Variants in SLC25A17 observed in about 807,000 individuals in gnomAD.
The protein encoded by SLC25A17 is peroxisomal membrane protein PMP34.
Under a neutral mutation model 38.5 loss-of-function variants are expected in SLC25A17, and 26 were observed. The observed-to-expected ratio is 0.68, with a 90% confidence interval of 0.50 to 0.94. SLC25A17 has a LOEUF of 0.94. SLC25A17 is among the 40% of genes least tolerant of loss of function. The pLI is 0.00. For missense variants in SLC25A17, 333 were observed against 372.7 expected (o/e 0.89, Z 0.88); for synonymous variants, 139 against 136.2 (o/e 1.02, Z -0.14).
intron 1 of SLC25A17, among the ~76,000 whole-genome samples, chr22:40,803,621 G>A (rs558828478): frequency 6.6e-6 from 1 of 151,666 alleles, no homozygotes; most frequent in Non-Finnish European, 1.5e-5. Context: ...GATATGCAGA[G>A]GTCTCTTTGA....
At chr22:40,797,752 T>C (rs1274386483) in intron 2 of SLC25A17, among the ~76,000 whole-genome samples, 1 of 152,218 alleles carries the variant, frequency 6.6e-6, no homozygotes, top group East Asian at 1.9e-4. Flanking sequence ...TGGATCTCTA[T>C]AGTATCAGAA....
chr22:40,802,731 G>C (rs1304497437), intron 1 of SLC25A17, among the ~76,000 whole-genome samples: 1 of 152,150 alleles, frequency 6.6e-6, no homozygotes, highest in Non-Finnish European at 1.5e-5. Flanking sequence ...AAGAGGGTTA[G>C]CTGAAAACCC....
intron 8 of SLC25A17, among the ~76,000 whole-genome samples, chr22:40,773,205 C>T (rs921115927): frequency 1.5e-4 from 23 of 151,958 alleles, no homozygotes; most frequent in African/African-American, 4.8e-4. Context: ...GTCAGGAGAT[C>T]AAGACCATCC....
chr22:40,796,695 A>G (rs1384932556), intron 2 of SLC25A17, among the ~76,000 whole-genome samples: 2 of 152,138 alleles, frequency 1.3e-5, no homozygotes, highest in South Asian at 2.1e-4. Flanking sequence ...CAGTAATCCT[A>G]TATCTGGGAA....
Position 40,816,609 on chromosome 22 carries a change from G to GT in SLC25A17, c.54+2585dup, listed in dbSNP as rs55809010. ...TTTATTTATTCATTTATTTTTTATT[G>GT]TTTTTTTTTTTTTTTCTTGAGACGG... On this transcript the variant is annotated intron_variant, in intron 1 of 8. Coordinates refer to ENST00000435456, the MANE Select transcript of SLC25A17 (RefSeq NM_006358.4). Among the ~76,000 whole-genome samples the GT allele has an allele frequency of 4.9e-3, 673 of 137,964 alleles. 3 individuals carry two copies. The highest frequency in any genetic ancestry group is 0.015 in the African/African-American group (557 of 37,294). The allele number at this position is 137,964 out of a possible 152,430, so 90.5% of individuals were successfully genotyped here.
At position 40,778,994 on chromosome 22, in the gene SLC25A17, CAA is replaced by C; in HGVS notation, c.451+13_451+14del. 1.3e-6 allele frequency: 2 copies of C among 1,597,388 alleles called. No homozygotes were observed. Among genetic ancestry groups the C allele is most frequent in the Non-Finnish European group, 1.7e-6 (2 of 1,165,246 alleles). The stretch of plus-strand genomic sequence containing the variant: ...AGAAAACCCTTAAATAGGAATTCAG[CAA>C]AGAGATACTTACCAATGATACCTTT... On this transcript the variant is annotated intron_variant, in intron 5 of 8. Coordinates refer to ENST00000435456, the MANE Select transcript of SLC25A17 (RefSeq NM_006358.4).
At chr22:40,786,806 T>C (rs2057342446) in intron 4 of SLC25A17, among the ~76,000 whole-genome samples, 1 of 152,192 alleles carries the variant, frequency 6.6e-6, no homozygotes. Context: ...GAAGAAGATA[T>C]ATTCAAGATT....
chr22:40,818,259 AACC>A (rs1353737024), intron 1 of SLC25A17, among the ~76,000 whole-genome samples: 11 of 152,326 alleles, frequency 7.2e-5, no homozygotes, highest in South Asian at 2.1e-4. Flanking sequence ...GAGATAAAAG[AACC>A]ACAAGAGGAG....
At chr22:40,794,489 GA>G in intron 3 of SLC25A17, 24 bp downstream of exon 3, 1 of 1,502,988 alleles carries the variant, frequency 6.7e-7, no homozygotes, top group Admixed American at 1.7e-5. Flanking sequence ...TTGCTTTAAC[GA>G]AGGTGAACTG....
Position 40,779,011 on chromosome 22 carries a change from A to T in SLC25A17, c.449T>A (p.Ile150Asn). The change falls in exon 5 of 9, where the codon ATT becomes AAT. Residue 150 changes from isoleucine to asparagine, a missense_variant and splice_region_variant. Coordinates refer to ENST00000435456, the MANE Select transcript of SLC25A17 (RefSeq NM_006358.4). The part of the protein sequence containing the change: ...DIVPTNYKGI[I>N]DAFHQIIRDE... The stretch of plus-strand genomic sequence containing the variant: ...GAATTCAGCAAAGAGATACTTACCA[A>T]TGATACCTTTGTAGTTTGTTGGTAC... 1.2e-6 allele frequency: 2 copies of T among 1,611,654 alleles called. No individual in the cohort carries two copies. The highest frequency in any genetic ancestry group is 1.1e-5 in the South Asian group (1 of 91,014).
At chr22:40,810,145 C>A (rs966655998) in intron 1 of SLC25A17, among the ~76,000 whole-genome samples, 1 of 152,064 alleles carries the variant, frequency 6.6e-6, no homozygotes, top group African/African-American at 2.4e-5. Flanking sequence ...GTCTTAGTCC[C>A]TGGTTCCTGA....
chr22:40,814,790 T>TATATATATATATATATATATATATATATA (rs56313372), intron 1 of SLC25A17, among the ~76,000 whole-genome samples: 1 of 118,964 alleles, frequency 8.4e-6, no homozygotes, highest in African/African-American at 3.4e-5. Flanking sequence ...TATATATATA[T>TATATATATATATATATATATATATATATA]TGTTGTTGTT....
intron 3 of SLC25A17, among the ~76,000 whole-genome samples, chr22:40,793,052 T>C (rs921861962): frequency 2.7e-5 from 4 of 147,898 alleles, no homozygotes; most frequent in African/African-American, 1.0e-4. Context: ...GAAATAAGTA[T>C]CAAAAAAAAA....
At chr22:40,795,467 T>C (rs1321362486) in intron 2 of SLC25A17, among the ~76,000 whole-genome samples, 2 of 152,070 alleles carry the variant, frequency 1.3e-5, no homozygotes, top group Non-Finnish European at 2.9e-5. Context: ...TAATTTTTTG[T>C]TTTTGTAGTA....
chr22:40,805,855 G>C (rs954975328), intron 1 of SLC25A17, among the ~76,000 whole-genome samples: 4 of 152,136 alleles, frequency 2.6e-5, no homozygotes, highest in Non-Finnish European at 5.9e-5. Flanking sequence ...ACTAAGTCTT[G>C]GTCATTTGTT....
chr22:40,789,046 C>A lies in SLC25A17; in HGVS notation c.334+3479G>T. The A allele has an allele frequency of 3.4e-6, 1 of 290,994 alleles. No homozygotes were observed. 18.0% of individuals were successfully genotyped at this position (290,994 alleles called of 1,614,324 possible). On this transcript the variant is annotated intron_variant, in intron 4 of 8. Transcript: ENST00000435456. This position sits in a 1 kb window ranked among gnomAD's most constrained non-coding sequence, Gnocchi z 4.5. ...CTTCGTATTCTCATAGTATGGGTTC[C>A]ATCCTATGCTCACCACCATCTTCTG...
At chr22:40,773,627 T>C (rs1240872715) in intron 8 of SLC25A17, among the ~76,000 whole-genome samples, 1 of 152,178 alleles carries the variant, frequency 6.6e-6, no homozygotes, top group East Asian at 1.9e-4. Context: ...CTAAGAGGCA[T>C]CATAGGATAT....
intron 8 of SLC25A17, among the ~76,000 whole-genome samples, chr22:40,773,539 T>C (rs533420734): frequency 1.3e-5 from 2 of 150,674 alleles, no homozygotes; most frequent in East Asian, 2.0e-4. Context: ...ATTATCATCA[T>C]CATCATCACT....
At chr22:40,810,347 C>CT (rs199943597) in intron 1 of SLC25A17, among the ~76,000 whole-genome samples, 21,687 of 135,500 alleles carry the variant, frequency 0.16, 1,778 homozygotes, top group Middle Eastern at 0.21. Flanking sequence ...ATTAAATATT[C>CT]TTTTTTTTTT....
Sources: gnomAD v4.1 joint callset for allele counts (sites outside exome capture counted in the v4.1 genomes callset) on GRCh38, gnomAD v4.1.1 for gene constraint, Gnocchi (gnomAD v3.1) non-coding constraint, MANE v1.5 for transcripts, NCBI Gene and HGNC (gene_info 2026-07-23, HGNC 2026-07-21) for gene names.